The following PIK3C2G variants were observed in gnomAD, a reference collection of about 807,000 sequenced individuals.
The protein encoded by PIK3C2G is phosphatidylinositol 3-kinase C2 domain-containing subunit gamma.
A neutral mutation model predicts 181.1 loss-of-function variants in PIK3C2G; 168 were observed. The ratio of observed to expected loss-of-function variants is 0.93; its 90% CI spans 0.82 to 1.05. The LOEUF (loss-of-function observed/expected upper bound fraction) is 1.05, where lower values mean the gene tolerates loss of function less well. Among genes scored for constraint, PIK3C2G ranks in the 50% least tolerant of loss-of-function variants. The pLI, the probability that PIK3C2G is intolerant of heterozygous loss-of-function variation, is 0.00. For missense variants in PIK3C2G, 1,869 were observed against 1,732.8 expected (o/e 1.08, Z -1.40); for synonymous variants, 573 against 592.2 (o/e 0.97, Z 0.47).
chr12:18,386,451 C>T (rs1292931806), intron 14 of PIK3C2G, among the ~76,000 whole-genome samples: 3 of 152,110 alleles, frequency 2.0e-5, no homozygotes, highest in African/African-American at 7.2e-5. Flanking sequence ...CCTCCTATTC[C>T]CCCAATCCTA....
intron 29 of PIK3C2G, among the ~76,000 whole-genome samples, chr12:18,589,219 C>A (rs1946946268): frequency 6.6e-6 from 1 of 151,500 alleles, no homozygotes; most frequent in Non-Finnish European, 1.5e-5. Flanking sequence ...AAGTTTTAAT[C>A]AGGAGATCTA....
At chr12:18,527,811 G>T (rs10505824) in intron 24 of PIK3C2G, among the ~76,000 whole-genome samples, 22,166 of 152,082 alleles carry the variant, frequency 0.15, 1,995 homozygotes, top group South Asian at 0.25. Context: ...AGAAATAGTT[G>T]TTTTAATCAC....
the PIK3C2G span, among the ~76,000 whole-genome samples, chr12:18,695,974 A>C: frequency 7.9e-5 from 12 of 152,010 alleles, 1 homozygote; most frequent in Non-Finnish European, 2.9e-5. Flanking sequence ...GCTTCAACCC[A>C]GATAGGAATG....
At chr12:18,318,246 A>G (rs1218847124) in intron 6 of PIK3C2G, among the ~76,000 whole-genome samples, 1 of 152,172 alleles carries the variant, frequency 6.6e-6, no homozygotes, top group Non-Finnish European at 1.5e-5. Flanking sequence ...TGAAATTTCT[A>G]TATGTAACAA....
the PIK3C2G span, among the ~76,000 whole-genome samples, chr12:18,689,566 A>T: frequency 6.6e-6 from 1 of 152,094 alleles, no homozygotes; most frequent in Non-Finnish European, 1.5e-5. Context: ...TGGTTTAGGG[A>T]GCATTGATCA....
chr12:18,250,795 A>G (rs1334507795), intron 1 of PIK3C2G, among the ~76,000 whole-genome samples: 1 of 152,072 alleles, frequency 6.6e-6, no homozygotes, highest in Non-Finnish European at 1.5e-5. Flanking sequence ...TACATGAGAA[A>G]TACCAACTTC....
At chr12:18,694,958 A>G in the PIK3C2G span, 3 of 1,605,418 alleles carry the variant, frequency 1.9e-6, no homozygotes, top group East Asian at 2.2e-5. Flanking sequence ...TACTTGGGTT[A>G]AAGTATGATT....
intron 18 of PIK3C2G, among the ~76,000 whole-genome samples, chr12:18,459,228 C>A (rs977699414): frequency 6.6e-6 from 1 of 152,068 alleles, no homozygotes; most frequent in Non-Finnish European, 1.5e-5. Context: ...CCTCAGGCAA[C>A]CCCCAAATAT....
downstream of PIK3C2G, among the ~76,000 whole-genome samples, chr12:18,651,268 C>T (rs1950503799): frequency 6.6e-6 from 1 of 151,980 alleles, no homozygotes; most frequent in Admixed American, 6.6e-5. Context: ...GCTCCCTTAC[C>T]TCTCTCAAAT....
intron 15 of PIK3C2G, 33 bp downstream of exon 15, chr12:18,391,285 G>T (rs1943518005): frequency 6.6e-7 from 1 of 1,512,352 alleles, no homozygotes; most frequent in Non-Finnish European, 8.9e-7. Context: ...ATGAATTTTT[G>T]CCTGCTGTTT....
chr12:18,421,129 CAT>C lies in PIK3C2G; in HGVS notation c.2409+96_2409+97del. The C allele has an allele frequency of 4.9e-6, 3 of 617,346 alleles. No individual in the cohort carries two copies. The South Asian group carries it at 8.0e-5, about 17-fold the overall frequency. The allele number at this position is 617,346 out of a possible 1,614,324, so 38.2% of individuals were successfully genotyped here. ...TCAACAATAGTCTATCTAGAAGTGACATTGCAATTTGGCCACCCAAGGGACTA... is the reference window on the plus strand; with the variant it reads ...TCAACAATAGTCTATCTAGAAGTGACTGCAATTTGGCCACCCAAGGGACTA... On this transcript the variant is annotated intron_variant, in intron 17 of 32. Transcript: ENST00000538779.
intron 29 of PIK3C2G, among the ~76,000 whole-genome samples, chr12:18,569,146 A>G (rs753157381): frequency 3.3e-5 from 5 of 152,084 alleles, no homozygotes; most frequent in African/African-American, 4.8e-5. Flanking sequence ...AGGTTAGAAA[A>G]TGCCACGCAC....
At chr12:18,468,984 A>G (rs941432110) in intron 18 of PIK3C2G, among the ~76,000 whole-genome samples, 1 of 152,074 alleles carries the variant, frequency 6.6e-6, no homozygotes, top group Non-Finnish European at 1.5e-5. Context: ...GGAGAAGAAA[A>G]AGACCAACAT....
upstream of PIK3C2G, among the ~76,000 whole-genome samples, chr12:18,259,370 A>G (rs919488545): frequency 2.6e-5 from 4 of 152,126 alleles, no homozygotes; most frequent in South Asian, 4.1e-4. Context: ...AACTCTTTAT[A>G]TTAAACTTTA....
At chr12:18,689,439 T>A in the PIK3C2G span, among the ~76,000 whole-genome samples, 1 of 152,298 alleles carries the variant, frequency 6.6e-6, no homozygotes, top group East Asian at 1.9e-4. Flanking sequence ...TATGAGATTC[T>A]TTTTGCATTT....
At chr12:18,674,684 G>A in the PIK3C2G span, among the ~76,000 whole-genome samples, 2 of 152,170 alleles carry the variant, frequency 1.3e-5, no homozygotes, top group Non-Finnish European at 2.9e-5. Context: ...AAGAGGCAAA[G>A]CATAATGTTC....
At chr12:18,246,996 C>T (rs755350937), upstream of PIK3C2G, among the ~76,000 whole-genome samples, 1 of 140,048 alleles carries the variant, frequency 7.1e-6, no homozygotes, top group Non-Finnish European at 1.6e-5. Context: ...TCAATGGTCT[C>T]ATGAAGGAAA....
At chr12:18,373,020 A>G (rs570975666) in intron 13 of PIK3C2G, among the ~76,000 whole-genome samples, 53 of 152,174 alleles carry the variant, frequency 3.5e-4, no homozygotes, top group Non-Finnish European at 6.6e-4. Context: ...ACATTTTTCA[A>G]AAAAAACCTG....
chr12:18,575,552 C>T lies in PIK3C2G; in HGVS notation c.4011+8495C>T, dbSNP rs1209928141. Among the ~76,000 whole-genome samples the T allele has an allele frequency of 2.0e-5, 3 of 152,072 alleles. No homozygotes were observed. The East Asian group carries it at 5.8e-4, about 29-fold the overall frequency. On this transcript the variant is annotated intron_variant, in intron 29 of 32. Transcript: ENST00000538779. ...ATTGTGCTGCAATATTATTTCAAGGCTGGTAGACTCTCAGCTGGAGATGCT... is the reference window on the plus strand; with the variant it reads ...ATTGTGCTGCAATATTATTTCAAGGTTGGTAGACTCTCAGCTGGAGATGCT...
Sources: allele counts gnomAD v4.1 joint callset (sites outside exome capture counted in the v4.1 genomes callset), GRCh38; gene constraint gnomAD v4.1.1; transcripts MANE v1.5; gene names NCBI Gene and HGNC (gene_info 2026-07-23, HGNC 2026-07-21).